The following IDO1 variants were observed in gnomAD, a reference collection of about 807,000 sequenced individuals.
IDO1 encodes the protein indoleamine 2,3-dioxygenase 1.
In IDO1, 35 loss-of-function variants were observed where a neutral mutation model predicts 38.8. The ratio of observed to expected loss-of-function variants is 0.90; its 90% confidence interval spans 0.69 to 1.20. The LOEUF is 1.20. Among genes scored for constraint, IDO1 ranks in the 50% most tolerant of loss-of-function variants. The pLI is 0.00. For synonymous variants in IDO1, 171 were observed against 170.0 expected (o/e 1.01, Z -0.05); for missense variants, 509 against 485.1 (o/e 1.05, Z -0.46).
At chr8:39,921,377 C>G (rs1451044790) in intron 5 of IDO1, among the ~76,000 whole-genome samples, 2 of 152,026 alleles carry the variant, frequency 1.3e-5, no homozygotes, top group African/African-American at 4.8e-5. Context: ...AGCTTGAACC[C>G]AGGAGGCAGA....
chr8:39,922,825 T>C, intron 6 of IDO1, 174 bp downstream of exon 6: 1 of 611,038 alleles, frequency 1.6e-6, no homozygotes, highest in South Asian at 2.0e-5. Context: ...ACCTAAAATA[T>C]AAAATCTCAG....
intron 3 of IDO1, chr8:39,918,528 C>T (rs1167441326): frequency 2.2e-6 from 1 of 459,888 alleles, no homozygotes; most frequent in Non-Finnish European, 3.9e-6. Flanking sequence ...GGAGGATCAC[C>T]TGAGGTCAGG....
intron 5 of IDO1, 46 bp downstream of exon 5, chr8:39,920,160 A>G (rs762130111): frequency 6.7e-7 from 1 of 1,498,612 alleles, no homozygotes; most frequent in Non-Finnish European, 9.2e-7. Flanking sequence ...TTTGTTACTT[A>G]TAGTTGAATG....
At chr8:39,924,652 T>C in intron 7 of IDO1, 69 bp from the exon 8 acceptor site, 3 of 1,130,698 alleles carry the variant, frequency 2.7e-6, no homozygotes, top group Non-Finnish European at 4.0e-6. Flanking sequence ...TTATCAGTTG[T>C]ACACAACACC....
chr8:39,918,472 C>A (rs927519448), intron 3 of IDO1: 22 of 480,590 alleles, frequency 4.6e-5, no homozygotes, highest in Admixed American at 4.5e-4. Flanking sequence ...AATATCTAAC[C>A]TTTAAAACAC....
At position 39,916,816 on chromosome 8, in the gene IDO1, T is replaced by C. The variant is rs376378332; in HGVS notation, c.88-1059T>C. On this transcript the variant is annotated intron_variant, in intron 1 of 9. Transcript: ENST00000518237. Reference sequence around the variant, plus strand: ...AGAGCATATTACTGATTAAATTTTATACTTGTTGAAAGTGCTGTCAAATAA... The same window carrying C: ...AGAGCATATTACTGATTAAATTTTACACTTGTTGAAAGTGCTGTCAAATAA... 1.9e-4 allele frequency among the ~76,000 whole-genome samples: 29 copies of C among 152,344 alleles called. 1 individual carries two copies. In the South Asian group the frequency reaches 5.8e-3, roughly 30 times the overall value.
intron 1 of IDO1, among the ~76,000 whole-genome samples, chr8:39,916,802 C>A (rs1194630212): frequency 1.3e-5 from 2 of 152,074 alleles, no homozygotes; most frequent in African/African-American, 4.8e-5. Flanking sequence ...GAGCATATTA[C>A]TGATTAAATT....
At position 39,918,186 on chromosome 8, in the gene IDO1, A is replaced by G; in HGVS notation, c.282A>G (p.Lys94=). ...TCACCATGGCATATGTGTGGGGCAA[A>G]GGTCATGGAGATGTCCGTAAGGTTT... is the stretch of plus-strand genomic sequence containing the variant. ...GCITMAYVWG[K]GHGDVRKVLP... Residue 94 remains lysine (K), a synonymous_variant, in exon 3 of 10, where the codon AAA becomes AAG. Coordinates refer to ENST00000518237, the MANE Select transcript of IDO1 (RefSeq NM_002164.6). The G allele has an allele frequency of 6.2e-7, 1 of 1,613,136 alleles. No individual in the cohort carries two copies.
intron 9 of IDO1, among the ~76,000 whole-genome samples, chr8:39,925,896 A>C (rs868461530): frequency 2.0e-5 from 3 of 151,630 alleles, no homozygotes; most frequent in Non-Finnish European, 4.4e-5. Flanking sequence ...AATAAAAATA[A>C]AAAATAAAAA....
intron 4 of IDO1, 86 bp downstream of exon 4, chr8:39,919,019 C>T: frequency 1.2e-6 from 1 of 860,224 alleles, no homozygotes; most frequent in Non-Finnish European, 2.0e-6. Context: ...TAATTTTGGG[C>T]AGCGCAGCTT....
chr8:39,924,082 A>C (rs1023202126), intron 7 of IDO1, among the ~76,000 whole-genome samples: 3 of 152,198 alleles, frequency 2.0e-5, no homozygotes, highest in African/African-American at 7.2e-5. Context: ...AAAAAAGTGC[A>C]TAAGCAGTAA....
At chr8:39,926,338 A>T (rs1436370168) in intron 9 of IDO1, among the ~76,000 whole-genome samples, 7 of 152,230 alleles carry the variant, frequency 4.6e-5, no homozygotes, top group Non-Finnish European at 7.3e-5. Flanking sequence ...CTGAAAATGT[A>T]TGATCAGACT....
chr8:39,921,699 C>T (rs1434030689), intron 5 of IDO1, among the ~76,000 whole-genome samples: 1 of 152,092 alleles, frequency 6.6e-6, no homozygotes, highest in Non-Finnish European at 1.5e-5. Flanking sequence ...CCACAAAACT[C>T]ATAGATATAC....
At chr8:39,922,524 T>C in intron 5 of IDO1, 28 bp from the exon 6 acceptor site, 1 of 1,470,686 alleles carries the variant, frequency 6.8e-7, no homozygotes, top group East Asian at 2.3e-5. Flanking sequence ...TTGCTAAACT[T>C]CTTGCCTTCC....
chr8:39,926,153 C>T (rs1807356809), intron 9 of IDO1, among the ~76,000 whole-genome samples: 1 of 152,064 alleles, frequency 6.6e-6, no homozygotes, highest in Non-Finnish European at 1.5e-5. Flanking sequence ...CGCCACTGCA[C>T]TCCAGCCTAG....
Position 39,918,204 on chromosome 8 carries a change from T to C in IDO1, c.300T>C (p.Arg100=), listed in dbSNP as rs1350810754. 6.2e-7 allele frequency: 1 copy of C among 1,607,378 alleles called. No individual in the cohort carries two copies. Among genetic ancestry groups the C allele is most frequent in the Non-Finnish European group, 8.5e-7 (1 of 1,174,922 alleles). ...YVWGKGHGDV[R]KVLPRNIAVP... ...GGGGCAAAGGTCATGGAGATGTCCG[T>C]AAGGTTTGGAGATTTTCTCAGATTT... The change falls in exon 3 of 10, where the codon CGT becomes CGC. Residue 100 remains arginine (R), a synonymous_variant. Transcript: ENST00000518237.
At chr8:39,920,213 T>C in intron 5 of IDO1, 99 bp downstream of exon 5, 1 of 932,986 alleles carries the variant, frequency 1.1e-6, no homozygotes, top group Non-Finnish European at 1.6e-6. Context: ...AAATGATTAA[T>C]TGAATTCAGC....
Position 39,922,559 on chromosome 8 carries a change from G to A in IDO1, c.445G>A (p.Asp149Asn), listed in dbSNP as rs1404547356. ...PNKPLTYENM[D>N]VLFSFRDGDC... ...CTTATCCAATTTCCTCAGGAACATGGACGTTTTGTTCTCATTTCGTGATGG... is the reference window on the plus strand; with the variant it reads ...CTTATCCAATTTCCTCAGGAACATGAACGTTTTGTTCTCATTTCGTGATGG... Residue 149 changes from aspartate to asparagine, a missense_variant, in exon 6 of 10, where the codon GAC becomes AAC. Physicochemically the swap from Asp to Asn is conservative, Grantham distance 23. Transcript: ENST00000518237. 1 of 1,611,536 alleles carries A rather than the reference G, an allele frequency of 6.2e-7. No individual in the cohort carries two copies. Among genetic ancestry groups the A allele is most frequent in the Non-Finnish European group, 8.5e-7 (1 of 1,177,702 alleles).
chr8:39,925,846 T>C (rs1268918206), intron 9 of IDO1, among the ~76,000 whole-genome samples: 1 of 151,418 alleles, frequency 6.6e-6, no homozygotes, highest in African/African-American at 2.4e-5. Context: ...ATCGTGCTAC[T>C]GTACTCCAGC....
Sources: gnomAD v4.1 joint callset for allele counts (sites outside exome capture counted in the v4.1 genomes callset) on GRCh38, gnomAD v4.1.1 for gene constraint, MANE v1.5 for transcripts, NCBI Gene and HGNC (gene_info 2026-07-23, HGNC 2026-07-21) for gene names.